The following TCP11L1 variants were observed in gnomAD, a reference collection of about 807,000 sequenced individuals.
TCP11L1 encodes the protein T-complex protein 11-like protein 1.
In TCP11L1, 28 loss-of-function variants were observed where a neutral mutation model predicts 48.9. That is an observed-to-expected ratio of 0.57 (90% CI 0.42 to 0.78). The LOEUF is 0.78. Ranked by LOEUF, TCP11L1 falls within the 30% of genes least tolerant of loss-of-function variation. TCP11L1 has a pLI of 0.00. For missense variants in TCP11L1, 505 were observed against 613.4 expected (o/e 0.82, Z 1.87); for synonymous variants, 204 against 231.9 (o/e 0.88, Z 1.09).
At chr11:33,039,936 G>T (rs1260062281) in intron 1 of TCP11L1, 144 bp downstream of exon 1, 3 of 152,432 alleles carry the variant, frequency 2.0e-5, no homozygotes, top group Non-Finnish European at 2.9e-5. Context: ...GTCCGCGGGC[G>T]GGTGGAGCTC....
chr11:33,061,060 A>T (rs1854451746), intron 6 of TCP11L1, among the ~76,000 whole-genome samples: 1 of 152,134 alleles, frequency 6.6e-6, no homozygotes, highest in African/African-American at 2.4e-5. Flanking sequence ...GACTCAAGTG[A>T]TTCTCCTGCC....
intron 2 of TCP11L1, among the ~76,000 whole-genome samples, chr11:33,046,123 G>A (rs529905898): frequency 6.6e-6 from 1 of 152,370 alleles, no homozygotes; most frequent in African/African-American, 2.4e-5. Flanking sequence ...TTATGGTGCT[G>A]CAGGGCAGCC....
At position 33,065,821 on chromosome 11, in the gene TCP11L1, T is replaced by A. The variant is rs1854599577; in HGVS notation, c.973-9T>A. The A allele has an allele frequency of 1.9e-6, 3 of 1,612,470 alleles. No individual in the cohort carries two copies. Among genetic ancestry groups the A allele is most frequent in the Non-Finnish European group, 1.7e-6 (2 of 1,178,970 alleles). ...GCAGCTCAGCGATGGCCTCTTCTAT[T>A]CATTACAGACAGTTTTAATGGACCA... On this transcript the variant is annotated splice_polypyrimidine_tract_variant and intron_variant, in intron 7 of 9. Transcript: ENST00000334274.
At chr11:33,070,870 C>T (rs1476150496) in intron 9 of TCP11L1, among the ~76,000 whole-genome samples, 8 of 150,240 alleles carry the variant, frequency 5.3e-5, no homozygotes, top group African/African-American at 2.0e-4. Context: ...GGCATGGTGG[C>T]GTGTGCCTGT....
chr11:33,073,090 T>C lies in TCP11L1; in HGVS notation c.*414T>C. ...CCATGGCCTCACCTCCTGCCCTCCC[T>C]CAGACAGCCTTGTCCCTCACCCCTC... On this transcript the variant is annotated 3_prime_UTR_variant, in exon 10 of 10. Coordinates refer to ENST00000334274, the MANE Select transcript of TCP11L1 (RefSeq NM_018393.4). 4.9e-6 allele frequency: 1 copy of C among 205,916 alleles called. No homozygotes were observed. 12.8% of individuals were successfully genotyped at this position (205,916 alleles called of 1,614,324 possible). A position where few individuals can be genotyped will look rare whatever the true frequency, so the allele number is the denominator to read the frequency against.
At chr11:33,065,166 T>A (rs899196808) in intron 7 of TCP11L1, among the ~76,000 whole-genome samples, 1 of 152,264 alleles carries the variant, frequency 6.6e-6, no homozygotes, top group Non-Finnish European at 1.5e-5. Flanking sequence ...CCAGCCACTT[T>A]ATATGTAGCA....
chr11:33,040,053 G>A (rs983365172), intron 1 of TCP11L1: 2 of 152,224 alleles, frequency 1.3e-5, no homozygotes, highest in African/African-American at 4.8e-5. Flanking sequence ...CGGACGCCGG[G>A]CGCGAGTGGA....
intron 1 of TCP11L1, among the ~76,000 whole-genome samples, chr11:33,042,321 G>A (rs1211992325): frequency 6.6e-6 from 1 of 152,080 alleles, no homozygotes; most frequent in Non-Finnish European, 1.5e-5. Flanking sequence ...TAGTGGAGAC[G>A]GGGTTTCAGC....
intron 3 of TCP11L1, among the ~76,000 whole-genome samples, chr11:33,054,942 C>T (rs1854267395): frequency 6.6e-6 from 1 of 152,234 alleles, no homozygotes; most frequent in Admixed American, 6.5e-5. Context: ...CTAGCTGCCT[C>T]ATCTTGTGTT....
intron 1 of TCP11L1, among the ~76,000 whole-genome samples, chr11:33,043,083 A>C (rs776103805): frequency 6.6e-6 from 1 of 152,134 alleles, no homozygotes; most frequent in Non-Finnish European, 1.5e-5. Context: ...AACAAAACAA[A>C]AATTAGCTGG....
chr11:33,057,579 G>A (rs1018181600), intron 4 of TCP11L1, among the ~76,000 whole-genome samples: 5 of 152,122 alleles, frequency 3.3e-5, no homozygotes, highest in African/African-American at 9.7e-5. Flanking sequence ...TTTTTGCAGC[G>A]CCTTTAGCAG....
chr11:33,045,856 A>G (rs1233916514), intron 2 of TCP11L1, among the ~76,000 whole-genome samples: 1 of 152,216 alleles, frequency 6.6e-6, no homozygotes, highest in Admixed American at 6.5e-5. Context: ...GGTGGTGAGG[A>G]TGTGGGGGTT....
chr11:33,050,902 C>T (rs1590225006), intron 2 of TCP11L1, among the ~76,000 whole-genome samples: 1 of 152,022 alleles, frequency 6.6e-6, no homozygotes, highest in African/African-American at 2.4e-5. Context: ...CAACTTCTGC[C>T]TCCTGGGCTT....
intron 6 of TCP11L1, among the ~76,000 whole-genome samples, chr11:33,061,052 C>A (rs1854451576): frequency 6.6e-6 from 1 of 152,176 alleles, no homozygotes; most frequent in Admixed American, 6.5e-5. Context: ...ACCTCCAGGA[C>A]TCAAGTGATT....
rs11032133 is a variant in TCP11L1 at position 33,058,950 on chromosome 11, T to C, written c.639-9T>C. The C allele has an allele frequency of 0.39, 633,814 of 1,608,458 alleles. 126,806 individuals are homozygous for C. Among genetic ancestry groups the C allele is most frequent in the African/African-American group, 0.48 (35,496 of 74,560 alleles). On this transcript the variant is annotated splice_polypyrimidine_tract_variant and intron_variant, in intron 5 of 9. Transcript: ENST00000334274. Reference sequence around the variant, plus strand: ...CAAATGCTTGCTTCTAAATCCTTTTTTCTTTCAGAGAAATTTTTTCTGTGT... The same window carrying C: ...CAAATGCTTGCTTCTAAATCCTTTTCTCTTTCAGAGAAATTTTTTCTGTGT...
intron 2 of TCP11L1, among the ~76,000 whole-genome samples, chr11:33,045,877 AGT>A (rs1382893344): frequency 6.6e-6 from 1 of 152,244 alleles, no homozygotes; most frequent in Admixed American, 6.5e-5. Flanking sequence ...GAAAGAAAGC[AGT>A]GTATCAAGCA....
intron 8 of TCP11L1, among the ~76,000 whole-genome samples, chr11:33,067,192 C>T (rs551688792): frequency 1.8e-4 from 28 of 152,166 alleles, no homozygotes; most frequent in East Asian, 1.9e-4. Flanking sequence ...CATCTGCACG[C>T]GTGCAGGCTT....
At chr11:33,047,722 G>C (rs980383707) in intron 2 of TCP11L1, among the ~76,000 whole-genome samples, 1 of 152,216 alleles carries the variant, frequency 6.6e-6, no homozygotes, top group African/African-American at 2.4e-5. Flanking sequence ...GGATCCAGCA[G>C]TGAACCAGGC....
Position 33,051,429 on chromosome 11 carries a change from A to AGTGCTGGG in TCP11L1, c.164-3163_164-3156dup, listed in dbSNP as rs749175150. Among the ~76,000 whole-genome samples the AGTGCTGGG allele has an allele frequency of 2.8e-4, 42 of 152,212 alleles. 1 individual carries two copies. The highest frequency in any genetic ancestry group is 4.6e-4 in the Non-Finnish European group (31 of 68,038). On this transcript the variant is annotated intron_variant, in intron 2 of 9. Transcript: ENST00000334274. ...TGGTCCGCTCGCCTCAGCCTCCCAA[A>AGTGCTGGG]GTGCTGGGATTACAGGCGTGATAGA...
Sources: gnomAD v4.1 joint callset for allele counts (sites outside exome capture counted in the v4.1 genomes callset) on GRCh38, gnomAD v4.1.1 for gene constraint, MANE v1.5 for transcripts, NCBI Gene and HGNC (gene_info 2026-07-23, HGNC 2026-07-21) for gene names.